Variants in ALDH9A1 observed in about 807,000 individuals in gnomAD.
The protein encoded by ALDH9A1 is 4-trimethylaminobutyraldehyde dehydrogenase.
In ALDH9A1, 42 loss-of-function variants were observed where a neutral mutation model predicts 56.6. The ratio of observed to expected loss-of-function variants is 0.74; its 90% CI spans 0.58 to 0.96. The LOEUF (loss-of-function observed/expected upper bound fraction) is 0.96. Ranked by LOEUF, ALDH9A1 falls within the 40% of genes least tolerant of loss-of-function variation. ALDH9A1 has a pLI of 0.00. For missense variants in ALDH9A1, 661 were observed against 651.5 expected (o/e 1.01, Z -0.16); for synonymous variants, 242 against 236.0 (o/e 1.03, Z -0.23).
chr1:165,688,888 A>T (rs928456540), intron 2 of ALDH9A1, among the ~76,000 whole-genome samples: 3 of 152,236 alleles, frequency 2.0e-5, no homozygotes, highest in African/African-American at 7.2e-5. Flanking sequence ...TAAACACTTA[A>T]TAATAAGCAG....
At chr1:165,673,306 G>T (rs1649242932) in intron 6 of ALDH9A1, among the ~76,000 whole-genome samples, 1 of 152,198 alleles carries the variant, frequency 6.6e-6, no homozygotes, top group South Asian at 2.1e-4. Flanking sequence ...GATAACAAGT[G>T]TTGGTGAGGA....
At chr1:165,676,701 T>C in intron 6 of ALDH9A1, 1 of 460,138 alleles carries the variant, frequency 2.2e-6, no homozygotes, top group Non-Finnish European at 4.2e-6. Context: ...ACCAGCCTAC[T>C]CCACCCAGGG....
At chr1:165,686,995 C>T (rs7546322) in intron 2 of ALDH9A1, among the ~76,000 whole-genome samples, 49,813 of 151,858 alleles carry the variant, frequency 0.33, 8,400 homozygotes, top group South Asian at 0.54. Flanking sequence ...TTAAGGAGAG[C>T]CACAGAACAC....
intron 1 of ALDH9A1, 50 bp downstream of exon 1, chr1:165,698,328 C>A: frequency 6.5e-7 from 1 of 1,548,274 alleles, no homozygotes; most frequent in African/African-American, 1.4e-5. Context: ...CCGGGAAATC[C>A]GCGCATCCGG....
intron 2 of ALDH9A1, among the ~76,000 whole-genome samples, chr1:165,691,233 T>C (rs921245133): frequency 2.0e-5 from 3 of 152,200 alleles, no homozygotes; most frequent in Non-Finnish European, 2.9e-5. Flanking sequence ...CCGCTGGTGA[T>C]ACCCAGGCAA....
At chr1:165,671,654 C>A (rs545285226) in intron 6 of ALDH9A1, 3 of 487,062 alleles carry the variant, frequency 6.2e-6, no homozygotes, top group South Asian at 1.6e-5. Flanking sequence ...CTGTTTGGCT[C>A]GATATTATAA....
chr1:165,665,522 GA>G (rs1342059196), intron 9 of ALDH9A1, among the ~76,000 whole-genome samples: 1 of 152,132 alleles, frequency 6.6e-6, no homozygotes, highest in Non-Finnish European at 1.5e-5. Context: ...ACTCTTTGAA[GA>G]AAACAGAGGA....
At chr1:165,672,055 G>A (rs1649194616) in intron 6 of ALDH9A1, among the ~76,000 whole-genome samples, 2 of 152,134 alleles carry the variant, frequency 1.3e-5, no homozygotes, top group African/African-American at 4.8e-5. Context: ...ACAGTACAGT[G>A]GTTCCTCAAA....
intron 2 of ALDH9A1, among the ~76,000 whole-genome samples, chr1:165,689,354 T>C (rs1242573088): frequency 6.6e-6 from 1 of 152,182 alleles, no homozygotes; most frequent in African/African-American, 2.4e-5. Flanking sequence ...AATTTAGAAA[T>C]GTAAACCTCT....
At chr1:165,678,405 G>A (rs1649438249) in intron 6 of ALDH9A1, among the ~76,000 whole-genome samples, 2 of 151,916 alleles carry the variant, frequency 1.3e-5, no homozygotes, top group African/African-American at 4.8e-5. Flanking sequence ...ATAACACATA[G>A]AATGAAATAA....
intron 2 of ALDH9A1, among the ~76,000 whole-genome samples, chr1:165,691,381 G>T (rs1284498916): frequency 6.6e-6 from 1 of 152,138 alleles, no homozygotes; most frequent in Non-Finnish European, 1.5e-5. Context: ...CCATATGTAG[G>T]TCAGCATCAT....
Position 165,669,245 on chromosome 1 carries a change from T to G in ALDH9A1, c.1119+17A>C, listed in dbSNP as rs1332285373. 2 of 1,587,296 alleles carry G rather than the reference T, an allele frequency of 1.3e-6. No individual in the cohort carries two copies. Among genetic ancestry groups the G allele is most frequent in the African/African-American group, 1.4e-5 (1 of 73,848 alleles). ...ATAATCTTCCCCAACCCCACCCTAC[T>G]GCCAATTATTTCTTACCTGCTCCTT... is the stretch of plus-strand genomic sequence containing the variant. On this transcript the variant is annotated intron_variant, in intron 7 of 10. Transcript: ENST00000354775.
intron 6 of ALDH9A1, among the ~76,000 whole-genome samples, chr1:165,673,356 T>C (rs1649244815): frequency 6.6e-6 from 1 of 152,214 alleles, no homozygotes; most frequent in African/African-American, 2.4e-5. Flanking sequence ...CTGGTGAGAA[T>C]ATAAATTAGT....
chr1:165,673,658 C>T (rs1413358131), intron 6 of ALDH9A1, among the ~76,000 whole-genome samples: 5 of 152,188 alleles, frequency 3.3e-5, no homozygotes, highest in African/African-American at 1.2e-4. Flanking sequence ...CACCCTGACG[C>T]TTTCTGACTG....
chr1:165,668,302 G>A (rs527449920), intron 8 of ALDH9A1, among the ~76,000 whole-genome samples: 3 of 152,232 alleles, frequency 2.0e-5, no homozygotes, highest in Admixed American at 1.3e-4. Context: ...CCTCATGAAC[G>A]GTTTGATGTC....
intron 7 of ALDH9A1, 58 bp downstream of exon 7, chr1:165,669,204 G>A: frequency 6.8e-7 from 1 of 1,473,624 alleles, no homozygotes; most frequent in Non-Finnish European, 9.2e-7. Flanking sequence ...CACAAAGCAT[G>A]TGATTTAGGA....
intron 2 of ALDH9A1, among the ~76,000 whole-genome samples, chr1:165,689,402 G>T (rs1649811359): frequency 1.3e-5 from 2 of 152,134 alleles, no homozygotes; most frequent in Non-Finnish European, 1.5e-5. Context: ...TATACTCCAG[G>T]ATAATAAACT....
chr1:165,674,334 A>G (rs1431168684), intron 6 of ALDH9A1, among the ~76,000 whole-genome samples: 1 of 151,144 alleles, frequency 6.6e-6, no homozygotes, highest in Non-Finnish European at 1.5e-5. Context: ...AAAAAAAAAA[A>G]AAAAAAAGAA....
intron 2 of ALDH9A1, among the ~76,000 whole-genome samples, chr1:165,684,306 T>C (rs1469421672): frequency 1.3e-5 from 2 of 152,162 alleles, no homozygotes; most frequent in Non-Finnish European, 2.9e-5. Context: ...TAAATCAATA[T>C]TGCAATTTTT....
Sources: allele counts gnomAD v4.1 joint callset (sites outside exome capture counted in the v4.1 genomes callset), GRCh38; gene constraint gnomAD v4.1.1; transcripts MANE v1.5; gene names NCBI Gene and HGNC (gene_info 2026-07-23, HGNC 2026-07-21).